PDE1C: variants seen among roughly 807,000 people sequenced by gnomAD.
The protein encoded by PDE1C is dual specificity calcium/calmodulin-dependent 3',5'-cyclic nucleotide phosphodiesterase 1C.
PDE1C carries 62 observed loss-of-function variants against 93.1 expected under a neutral mutation model. The ratio of observed to expected loss-of-function variants is 0.67; its 90% confidence interval spans 0.54 to 0.82. The LOEUF (loss-of-function observed/expected upper bound fraction) is 0.82. PDE1C is among the 40% of genes least tolerant of loss of function. The pLI is 0.00. For missense variants in PDE1C, 742 were observed against 884.6 expected (o/e 0.84, Z 2.04); for synonymous variants, 325 against 310.1 (o/e 1.05, Z -0.50).
chr7:32,004,042 G>A (rs1785838141), intron 2 of PDE1C, among the ~76,000 whole-genome samples: 1 of 152,152 alleles, frequency 6.6e-6, no homozygotes, highest in Admixed American at 6.5e-5. Flanking sequence ...ACGTGTTCAT[G>A]TGGAGCTCTG....
downstream of PDE1C, among the ~76,000 whole-genome samples, chr7:31,746,466 G>C (rs2128587974): frequency 6.6e-6 from 1 of 152,304 alleles, no homozygotes; most frequent in East Asian, 1.9e-4. Context: ...GTCATTAGGA[G>C]TGCAGGTACA....
In PDE1C at chr7:31,893,665, GA is replaced by G. The variant is rs746606003; in HGVS notation, c.129-12806del. Among the ~76,000 whole-genome samples, 6 of 150,558 alleles carry G rather than the reference GA, an allele frequency of 4.0e-5. No homozygotes were observed. The East Asian group carries it at 7.8e-4, about 20-fold the overall frequency. ...CAGGACCAACTCCCATAGCTATTTA[GA>G]AAAAAAAATCCTCCTCTGTTAGCTA... On this transcript the variant is annotated intron_variant, in intron 2 of 17. Transcript: ENST00000396191.
intron 1 of PDE1C, among the ~76,000 whole-genome samples, chr7:32,394,047 G>C (rs1479029378): frequency 2.6e-5 from 4 of 152,180 alleles, no homozygotes; most frequent in Admixed American, 1.3e-4. Context: ...ATATCATACA[G>C]ATCAGTCATT....
At chr7:32,290,748 G>T (rs1686276518) in intron 1 of PDE1C, among the ~76,000 whole-genome samples, 1 of 152,150 alleles carries the variant, frequency 6.6e-6, no homozygotes, top group Admixed American at 6.5e-5. Context: ...CCTGAAAGAT[G>T]TTAACCTGCT....
intron 2 of PDE1C, among the ~76,000 whole-genome samples, chr7:32,206,712 T>G (rs924296230): frequency 2.6e-5 from 4 of 152,222 alleles, no homozygotes; most frequent in Admixed American, 1.3e-4. Context: ...ACATGAGGTA[T>G]TCTTCTAGCT....
the PDE1C span, among the ~76,000 whole-genome samples, chr7:31,654,934 C>G: frequency 1.3e-5 from 2 of 152,092 alleles, no homozygotes; most frequent in African/African-American, 4.8e-5. Flanking sequence ...GCCTTCCTAC[C>G]CTTGGGACCA....
intron 1 of PDE1C, among the ~76,000 whole-genome samples, chr7:32,390,630 T>C (rs555929762): frequency 4.7e-4 from 72 of 151,730 alleles, no homozygotes; most frequent in African/African-American, 1.7e-3. Context: ...GAGGATCACT[T>C]GAGCCCAGGA....
At chr7:32,185,320 C>T (rs77747973) in intron 2 of PDE1C, among the ~76,000 whole-genome samples, 55 of 150,768 alleles carry the variant, frequency 3.6e-4, no homozygotes, top group Middle Eastern at 3.4e-3. Context: ...TATTTGGTCA[C>T]GTTATATTGT....
chr7:32,277,776 C>G (rs944165712), intron 1 of PDE1C, among the ~76,000 whole-genome samples: 2 of 152,156 alleles, frequency 1.3e-5, no homozygotes, highest in African/African-American at 2.4e-5. Context: ...AAGCAGAAAC[C>G]ACAAATTCTA....
At chr7:32,259,162 T>C (rs1229827195) in intron 1 of PDE1C, among the ~76,000 whole-genome samples, 1 of 152,166 alleles carries the variant, frequency 6.6e-6, no homozygotes, top group Non-Finnish European at 1.5e-5. Flanking sequence ...CAAGAGATGG[T>C]GTCAGCATTT....
intron 2 of PDE1C, among the ~76,000 whole-genome samples, chr7:31,969,475 TA>T (rs1176680764): frequency 6.6e-6 from 1 of 152,076 alleles, no homozygotes; most frequent in Admixed American, 6.5e-5. Context: ...TGGTGATCAT[TA>T]AAAAGTCAGG....
chr7:31,824,651 G>A (rs112052480), intron 13 of PDE1C, among the ~76,000 whole-genome samples: 27 of 152,222 alleles, frequency 1.8e-4, no homozygotes, highest in African/African-American at 6.0e-4. Context: ...TGCTGGTCAC[G>A]ATTTAGACCT....
chr7:31,631,773 C>T, the PDE1C span, among the ~76,000 whole-genome samples: 21 of 152,320 alleles, frequency 1.4e-4, no homozygotes, highest in South Asian at 1.7e-3. Context: ...TCAAATGTTA[C>T]GTAGAAATCT....
intron 3 of PDE1C, among the ~76,000 whole-genome samples, chr7:32,137,680 C>T (rs1373334474): frequency 2.0e-5 from 3 of 152,104 alleles, no homozygotes; most frequent in African/African-American, 7.2e-5. Flanking sequence ...ACAATTTATT[C>T]GACCTATTAT....
chr7:31,724,343 A>G, the PDE1C span, among the ~76,000 whole-genome samples: 3 of 152,132 alleles, frequency 2.0e-5, no homozygotes, highest in Non-Finnish European at 2.9e-5. Flanking sequence ...TGCCCTATCT[A>G]TGTCCCCTCA....
chr7:31,971,084 G>A (rs1170767453), intron 2 of PDE1C, among the ~76,000 whole-genome samples: 2 of 152,222 alleles, frequency 1.3e-5, no homozygotes, highest in Non-Finnish European at 2.9e-5. Flanking sequence ...AGAGGTTGCA[G>A]TGAGCCAAGA....
At chr7:32,122,022 G>C (rs1312367763) in intron 3 of PDE1C, among the ~76,000 whole-genome samples, 4 of 152,114 alleles carry the variant, frequency 2.6e-5, no homozygotes, top group Non-Finnish European at 5.9e-5. Flanking sequence ...GGGGAAGGAG[G>C]AAAATTTACC....
Position 31,864,947 on chromosome 7 carries a change from C to G in PDE1C, c.745G>C (p.Val249Leu). Residue 249 changes from valine (V) to leucine (L), a missense_variant, in exon 7 of 18, where the codon GTG becomes CTG. Transcript: ENST00000396191. ...TVHYLLYKTG[V>L]ANWLTELEIF... is the part of the protein sequence containing the mutation. ...GAGTTCCTATCCCTACTTACCGCCA[C>G]TCCTGTCTTATAGAGGAGGTAATGC... 1 of 1,613,412 alleles carries G rather than the reference C, an allele frequency of 6.2e-7. No homozygotes were observed.
At position 32,388,596 on chromosome 7, in the gene PDE1C, C is replaced by T. The variant is rs73093944; in HGVS notation, c.310+39226G>A. Reference sequence around the variant, plus strand: ...TAGAAAGGATGAGGCAGGAGAATCACGAGCCCAGGAGGACAAGGCTGCAGT... The same window carrying T: ...TAGAAAGGATGAGGCAGGAGAATCATGAGCCCAGGAGGACAAGGCTGCAGT... On this transcript the variant is annotated intron_variant, in intron 1 of 1. Transcript: ENST00000672256. Among the ~76,000 whole-genome samples the T allele has an allele frequency of 7.7e-3, 1,123 of 145,950 alleles. 8 individuals are homozygous for T. Among genetic ancestry groups the T allele is most frequent in the Non-Finnish European group, 0.012 (788 of 67,436 alleles).
Sources: gnomAD v4.1 joint callset for allele counts (sites outside exome capture counted in the v4.1 genomes callset) on GRCh38, gnomAD v4.1.1 for gene constraint, MANE v1.5 for transcripts, NCBI Gene and HGNC (gene_info 2026-07-23, HGNC 2026-07-21) for gene names.